The following MAPK8IP3 variants were observed in gnomAD, a reference collection of about 807,000 sequenced individuals.
MAPK8IP3 encodes mitogen-activated protein kinase 8 interacting protein 3, also known as C-Jun-amino-terminal kinase-interacting protein 3.
A neutral mutation model predicts 157.8 loss-of-function variants in MAPK8IP3; 49 were observed. The observed-to-expected ratio is 0.31, with a 90% CI of 0.25 to 0.39. The LOEUF is 0.39. Among genes scored for constraint, MAPK8IP3 ranks in the 10% least tolerant of loss-of-function variants. The pLI is 1.00. For synonymous variants in MAPK8IP3, 897 were observed against 777.7 expected, an observed-to-expected ratio of 1.15 and a Z score of -2.55; for missense variants, 1,478 against 1,889.4, an observed-to-expected ratio of 0.78 and a Z score of 4.04.
At chr16:1,766,499 C>T (rs1248176030) in intron 22 of MAPK8IP3, 30 bp from the exon 23 acceptor site, 2 of 1,603,900 alleles carry the variant, frequency 1.2e-6, no homozygotes, top group African/African-American at 1.3e-5. Flanking sequence ...TGCTCCGTGG[C>T]CCCCCCTGGA....
At chr16:1,738,219 C>T (rs1446106389) in intron 4 of MAPK8IP3, among the ~76,000 whole-genome samples, 1 of 77,994 alleles carries the variant, frequency 1.3e-5, no homozygotes, top group African/African-American at 5.8e-5. Context: ...TGTGACCATC[C>T]GTGTGAGAGT....
intron 9 of MAPK8IP3, 36 bp from the exon 10 acceptor site, chr16:1,758,942 T>C (rs1318497402): frequency 1.3e-5 from 21 of 1,613,176 alleles, no homozygotes; most frequent in Non-Finnish European, 1.8e-5. Context: ...CCCGCCCTGG[T>C]TGCCCATCTC....
chr16:1,756,122 T>G (rs1298609834), intron 8 of MAPK8IP3, among the ~76,000 whole-genome samples: 1 of 151,732 alleles, frequency 6.6e-6, no homozygotes, highest in Non-Finnish European at 1.5e-5. Flanking sequence ...GAGGGAGCAG[T>G]CGGGCAGTCA....
At position 1,715,731 on chromosome 16, in the gene MAPK8IP3, G is replaced by C. The variant is rs993648522; in HGVS notation, c.319-8826G>C. Among the ~76,000 whole-genome samples the C allele has an allele frequency of 2.6e-4, 39 of 151,584 alleles. 1 individual carries two copies. Among genetic ancestry groups the C allele is most frequent in the Non-Finnish European group, 1.6e-4 (11 of 67,882 alleles). ...ACAAACGTATGAGAGGAGAGGTTTG[G>C]ATTTTTTTTTTTTTTGAGATGGAGT... On this transcript the variant is annotated intron_variant, in intron 1 of 31. Transcript: ENST00000610761.
Position 1,765,168 on chromosome 16 carries a change from C to T in MAPK8IP3, c.2436C>T (p.Ser812=), listed in dbSNP as rs372697009. The change falls in exon 20 of 32, where the codon TCC becomes TCT. Residue 812 remains serine (S), a synonymous_variant. Transcript: ENST00000610761. ...GCAACGCGCACGTGCTGTGCATCTC[C>T]AGCATCCCCGGTGAGCAGCTGGAGT... ...TVCNAHVLCI[S]SIPAASDSDY... The T allele has an allele frequency of 6.3e-7, 1 of 1,594,488 alleles. No individual in the cohort carries two copies. Among genetic ancestry groups the T allele is most frequent in the Non-Finnish European group, 8.6e-7 (1 of 1,165,202 alleles).
intron 4 of MAPK8IP3, among the ~76,000 whole-genome samples, chr16:1,734,698 C>G (rs1393593048): frequency 3.3e-5 from 5 of 152,264 alleles, no homozygotes; most frequent in African/African-American, 9.6e-5. Context: ...TCTCTCTTCT[C>G]TGGTGTGGAT....
chr16:1,740,577 C>G (rs1344790688), intron 4 of MAPK8IP3, among the ~76,000 whole-genome samples: 1 of 152,166 alleles, frequency 6.6e-6, no homozygotes, highest in Non-Finnish European at 1.5e-5. Flanking sequence ...TCACCACATG[C>G]TGACCATCCA....
chr16:1,769,032 G>C lies in MAPK8IP3; in HGVS notation c.*208G>C. On this transcript the variant is annotated 3_prime_UTR_variant, in exon 32 of 32. Transcript: ENST00000610761. ...GGAGGGGAGGGGAACTTCCACCCGA[G>C]GGGAAGATGCTCTCGGGACAGTTTC... 1 of 610,310 alleles carries C rather than the reference G, an allele frequency of 1.6e-6. No individual in the cohort carries two copies. The highest frequency in any genetic ancestry group is 2.0e-5 in the South Asian group (1 of 50,958). The allele number at this position is 610,310 out of a possible 1,614,324, so 37.8% of individuals were successfully genotyped here.
At chr16:1,719,130 T>A (rs192514517) in intron 1 of MAPK8IP3, among the ~76,000 whole-genome samples, 1 of 152,308 alleles carries the variant, frequency 6.6e-6, no homozygotes, top group Non-Finnish European at 1.5e-5. Context: ...TGCAACACTG[T>A]GCCCAGCTAA....
intron 14 of MAPK8IP3, 59 bp downstream of exon 14, chr16:1,762,540 G>C (rs868813507): frequency 2.3e-5 from 37 of 1,600,630 alleles, no homozygotes; most frequent in Middle Eastern, 3.3e-4. Flanking sequence ...GCAGGACTGC[G>C]GCTCCCTCCT....
intron 11 of MAPK8IP3, 69 bp downstream of exon 11, chr16:1,760,084 CG>C: frequency 6.4e-7 from 1 of 1,572,824 alleles, no homozygotes; most frequent in South Asian, 1.1e-5. Flanking sequence ...GAGAGTGAGC[CG>C]GGCCAGAGGG....
intron 4 of MAPK8IP3, among the ~76,000 whole-genome samples, chr16:1,730,354 A>G (rs1417141382): frequency 6.6e-6 from 1 of 152,236 alleles, no homozygotes; most frequent in Non-Finnish European, 1.5e-5. Flanking sequence ...CTGTAATCCC[A>G]GCACTTTGGG....
Position 1,764,116 on chromosome 16 carries a change from T to A in MAPK8IP3, c.2027T>A (p.Leu676Gln). The A allele has an allele frequency of 1.9e-6, 3 of 1,607,166 alleles. No homozygotes were observed. The highest frequency in any genetic ancestry group is 2.5e-6 in the Non-Finnish European group (3 of 1,177,184). ...GWSLPAKYKQ[L>Q]SPNGGQEDTR... ...ACGGCGCCTCCCTGCTCCCTGCAGC[T>A]GAGTCCCAACGGGGGCCAGGAGGAC... is the stretch of plus-strand genomic sequence containing the variant. The change falls in exon 18 of 32, where the codon CTG (leucine) becomes CAG (glutamine). Residue 676 changes from leucine to glutamine, a missense_variant and splice_region_variant. By Grantham distance (113) the Leu-to-Gln change is moderately radical. Coordinates refer to ENST00000610761, the MANE Select transcript of MAPK8IP3 (RefSeq NM_001318852.2).
At position 1,766,341 on chromosome 16, in the gene MAPK8IP3, C is replaced by G. The variant is rs753574457; in HGVS notation, c.2751C>G (p.Pro917=). 1.9e-6 allele frequency: 3 copies of G among 1,612,670 alleles called. No individual in the cohort carries two copies. Among genetic ancestry groups the G allele is most frequent in the Admixed American group, 3.3e-5 (2 of 60,022 alleles). The stretch of plus-strand genomic sequence containing the variant: ...AGCCAGAGACAGCCACATTGCGGCC[C>G]GGGCCTCTCACAGAGCACGTCTTCA... ...PSEPETATLR[P]GPLTEHVFTD... The change falls in exon 22 of 32, where the codon CCC becomes CCG. Residue 917 remains proline (P), a synonymous_variant. Transcript: ENST00000610761.
intron 4 of MAPK8IP3, among the ~76,000 whole-genome samples, chr16:1,740,125 CGT>C (rs796692672): frequency 5.1e-5 from 6 of 117,526 alleles, no homozygotes; most frequent in South Asian, 4.0e-4. Context: ...TCCGTGTGAG[CGT>C]GTGACTGTCC....
At position 1,742,395 on chromosome 16, in the gene MAPK8IP3, G is replaced by A. The variant is rs922960552; in HGVS notation, c.603-937G>A. Among the ~76,000 whole-genome samples, 2 of 152,154 alleles carry A rather than the reference G, an allele frequency of 1.3e-5. No homozygotes were observed. The highest frequency in any genetic ancestry group is 2.4e-5 in the African/African-American group (1 of 41,438). ...CTCCCACTGTCTTGCCAGGCTGTCC[G>A]AGGCCAGGCTGTCCCAGGGTCCGTC... On this transcript the variant is annotated intron_variant, in intron 4 of 31. Coordinates refer to ENST00000610761, the MANE Select transcript of MAPK8IP3 (RefSeq NM_001318852.2). This position sits in a 1 kb window ranked among gnomAD's most constrained non-coding sequence, Gnocchi z 5.0.
intron 1 of MAPK8IP3, among the ~76,000 whole-genome samples, chr16:1,716,887 A>G (rs2038186470): frequency 6.6e-6 from 1 of 152,000 alleles, no homozygotes; most frequent in Non-Finnish European, 1.5e-5. Context: ...GTGAAGTCCC[A>G]TCTTTACTAA....
intron 7 of MAPK8IP3, 116 bp downstream of exon 7, chr16:1,748,462 C>A: frequency 8.7e-7 from 1 of 1,144,862 alleles, no homozygotes; most frequent in Non-Finnish European, 1.3e-6. Context: ...TGTGGCCTAC[C>A]GCCTCCATCC....
chr16:1,745,072 G>A, intron 5 of MAPK8IP3: 1 of 985,430 alleles, frequency 1.0e-6, no homozygotes, highest in African/African-American at 1.7e-5. Flanking sequence ...GCTACACGTT[G>A]ATGTTTAGGA....
Sources: gnomAD v4.1 joint callset for allele counts (sites outside exome capture counted in the v4.1 genomes callset) on GRCh38, gnomAD v4.1.1 for gene constraint, Gnocchi (gnomAD v3.1) non-coding constraint, MANE v1.5 for transcripts, NCBI Gene and HGNC (gene_info 2026-07-23, HGNC 2026-07-21) for gene names.